The following ADCY2 variants were observed in gnomAD, a reference collection of about 807,000 sequenced individuals.
ADCY2 encodes the protein adenylate cyclase type 2.
ADCY2 carries 31 observed loss-of-function variants against 125.2 expected under a neutral mutation model. That is an observed-to-expected ratio of 0.25 (90% CI 0.19 to 0.33). The LOEUF (loss-of-function observed/expected upper bound fraction) is 0.33. Ranked by LOEUF, ADCY2 falls within the 10% of genes least tolerant of loss-of-function variation. The probability of loss-of-function intolerance (pLI) is 1.00; values close to 1 mark genes in which losing one functional copy is unlikely to be tolerated. For missense variants in ADCY2, 904 were observed against 1,418.2 expected, an observed-to-expected ratio of 0.64 and a Z score of 5.82; for synonymous variants, 512 against 548.4, an observed-to-expected ratio of 0.93 and a Z score of 0.93.
chr5:7,459,967 T>C lies in ADCY2; in HGVS notation c.408+45197T>C, dbSNP rs1741858489. Among the ~76,000 whole-genome samples, 6 of 151,664 alleles carry C rather than the reference T, an allele frequency of 4.0e-5. No individual in the cohort carries two copies. In the South Asian group the frequency reaches 1.3e-3, roughly 32 times the overall value. On this transcript the variant is annotated intron_variant, in intron 2 of 24. Coordinates refer to ENST00000338316, the MANE Select transcript of ADCY2 (RefSeq NM_020546.3). Reference sequence around the variant, plus strand: ...ACACCCGGCTAATTTTTTGTATTTTTAGTAGGGATGAGGTTTCACGGTGTT... The same window carrying C: ...ACACCCGGCTAATTTTTTGTATTTTCAGTAGGGATGAGGTTTCACGGTGTT...
At chr5:7,806,340 A>G (rs555166422) in intron 22 of ADCY2, among the ~76,000 whole-genome samples, 125 of 152,266 alleles carry the variant, frequency 8.2e-4, no homozygotes, top group African/African-American at 2.9e-3. Context: ...TAAGACATGT[A>G]TAGAGACAGG....
chr5:7,820,450 C>T (rs774723645), intron 23 of ADCY2, 115 bp from the exon 24 acceptor site: 18 of 1,324,360 alleles, frequency 1.4e-5, no homozygotes, highest in East Asian at 8.4e-5. Context: ...GCCAAGATTG[C>T]GCCACTGCAC....
At chr5:7,654,369 T>C (rs887674647) in intron 4 of ADCY2, among the ~76,000 whole-genome samples, 2 of 151,898 alleles carry the variant, frequency 1.3e-5, no homozygotes, top group Non-Finnish European at 2.9e-5. Flanking sequence ...ATTTTACAGA[T>C]GAGGGAATGA....
At chr5:7,593,675 C>T (rs1427098131) in intron 3 of ADCY2, among the ~76,000 whole-genome samples, 1 of 152,116 alleles carries the variant, frequency 6.6e-6, no homozygotes, top group East Asian at 1.9e-4. Flanking sequence ...AATATCCATT[C>T]AACATAGATT....
intron 8 of ADCY2, 22 bp downstream of exon 8, chr5:7,706,924 CT>C: frequency 6.2e-7 from 1 of 1,613,166 alleles, no homozygotes; most frequent in Non-Finnish European, 8.5e-7. Flanking sequence ...CATTGGATTT[CT>C]TTCTTCAAGC....
intron 2 of ADCY2, among the ~76,000 whole-genome samples, chr5:7,509,374 G>T (rs764604453): frequency 1.3e-5 from 2 of 152,190 alleles, no homozygotes; most frequent in African/African-American, 2.4e-5. Flanking sequence ...TTCGCACAGC[G>T]TAGAGGCTGA....
chr5:7,826,457 T>A, intron 24 of ADCY2: 1 of 547,328 alleles, frequency 1.8e-6, no homozygotes, highest in South Asian at 1.8e-5. Flanking sequence ...CATGATAGCA[T>A]CATGGTAGCA....
At chr5:7,744,522 G>C (rs1204004690) in intron 15 of ADCY2, among the ~76,000 whole-genome samples, 1 of 152,240 alleles carries the variant, frequency 6.6e-6, no homozygotes, top group Non-Finnish European at 1.5e-5. Flanking sequence ...TTAAATGCTA[G>C]TTCTGGATAT....
intron 2 of ADCY2, among the ~76,000 whole-genome samples, chr5:7,463,599 G>T: frequency 7.2e-6 from 1 of 138,216 alleles, no homozygotes; most frequent in South Asian, 2.3e-4. Flanking sequence ...GGCTTATGCT[G>T]AGAGCACAAG....
chr5:7,569,814 T>C (rs1457977597), intron 3 of ADCY2, among the ~76,000 whole-genome samples: 2 of 152,134 alleles, frequency 1.3e-5, no homozygotes, highest in African/African-American at 2.4e-5. Flanking sequence ...AGAAGACTGA[T>C]GTAATTGACC....
intron 4 of ADCY2, among the ~76,000 whole-genome samples, chr5:7,645,490 C>G (rs1738863354): frequency 6.6e-6 from 1 of 152,292 alleles, no homozygotes; most frequent in South Asian, 2.1e-4. Context: ...AAAGGACATT[C>G]AACCTTCATT....
chr5:7,650,544 G>T (rs1739051932), intron 4 of ADCY2, among the ~76,000 whole-genome samples: 1 of 152,146 alleles, frequency 6.6e-6, no homozygotes, highest in African/African-American at 2.4e-5. Flanking sequence ...GACACAGGAT[G>T]GAGGAACCCC....
intron 21 of ADCY2, among the ~76,000 whole-genome samples, chr5:7,804,069 A>AGAGAGCGAGAGC (rs1553990878): frequency 7.1e-6 from 1 of 140,444 alleles, no homozygotes; most frequent in African/African-American, 2.7e-5. Flanking sequence ...AGAGAGAGAG[A>AGAGAGCGAGAGC]GAGAGCTGGT....
intron 4 of ADCY2, among the ~76,000 whole-genome samples, chr5:7,640,776 T>C (rs559594483): frequency 6.6e-6 from 1 of 152,320 alleles, no homozygotes; most frequent in Non-Finnish European, 1.5e-5. Context: ...AATTTCATGG[T>C]ATTTCATAGG....
intron 2 of ADCY2, among the ~76,000 whole-genome samples, chr5:7,474,461 A>G (rs191472744): frequency 2.0e-5 from 3 of 152,362 alleles, no homozygotes; most frequent in East Asian, 1.9e-4. Context: ...GTACTGGACA[A>G]TGCTCTTAAG....
chr5:7,470,939 A>G (rs1271918794), intron 2 of ADCY2, among the ~76,000 whole-genome samples: 1 of 151,722 alleles, frequency 6.6e-6, no homozygotes, highest in Non-Finnish European at 1.5e-5. Context: ...TGAATTTTGA[A>G]GCTGTGTTGC....
chr5:7,723,863 G>A (rs1205097291), intron 12 of ADCY2, among the ~76,000 whole-genome samples: 1 of 128,212 alleles, frequency 7.8e-6, no homozygotes, highest in Non-Finnish European at 1.6e-5. Flanking sequence ...AGAGGTTGCA[G>A]TGAGCCGAGA....
chr5:7,631,322 C>T (rs779536367), intron 4 of ADCY2, among the ~76,000 whole-genome samples: 2 of 152,152 alleles, frequency 1.3e-5, no homozygotes, highest in Non-Finnish European at 2.9e-5. Context: ...TTTGTGGGAC[C>T]GTTAGTCAGC....
chr5:7,777,383 CA>C (rs1204183721), intron 18 of ADCY2, among the ~76,000 whole-genome samples: 1 of 152,182 alleles, frequency 6.6e-6, no homozygotes, highest in African/African-American at 2.4e-5. Flanking sequence ...ATCTAGTACT[CA>C]AAAAACATCT....
Sources: allele counts gnomAD v4.1 joint callset (sites outside exome capture counted in the v4.1 genomes callset), GRCh38; gene constraint gnomAD v4.1.1; transcripts MANE v1.5; gene names NCBI Gene and HGNC (gene_info 2026-07-23, HGNC 2026-07-21).